The following YY1AP1 variants were observed in gnomAD, a reference collection of about 807,000 sequenced individuals.
The protein encoded by YY1AP1 is YY1 associated protein 1.
In YY1AP1, 43 loss-of-function variants were observed where a neutral mutation model predicts 39.9. That is an observed-to-expected ratio of 1.08 (90% CI 0.84 to 1.39). The LOEUF (loss-of-function observed/expected upper bound fraction) is 1.39, where lower values mean the gene tolerates loss of function less well. Ranked by LOEUF, YY1AP1 falls within the 40% of genes most tolerant of loss-of-function variation. The pLI is 0.00. For synonymous variants in YY1AP1, 292 were observed against 331.3 expected (o/e 0.88, Z 1.29); for missense variants, 813 against 900.7 (o/e 0.90, Z 1.25).
At position 155,676,634 on chromosome 1, in the gene YY1AP1, T is replaced by A; in HGVS notation, c.238A>T (p.Lys80Ter). ...ACTTCCTTACACTGGGGTTTAACCT[T>A]CTCTACCTCCTTCTGCTGTTTGGCT... The part of the protein sequence containing the change: ...PSAKQQKEVE[K>*]VKPQCKEVHQ... Residue 80 changes from lysine to a stop codon, truncating the protein, a stop_gained, in exon 5 of 11, where the codon AAG becomes TAG. Coordinates refer to ENST00000355499, the MANE Select transcript of YY1AP1 (RefSeq NM_139119.3). LOFTEE classifies it high-confidence loss of function. 1 of 1,614,188 alleles carries A rather than the reference T, an allele frequency of 6.2e-7. No homozygotes were observed. Among genetic ancestry groups the A allele is most frequent in the Non-Finnish European group, 8.5e-7 (1 of 1,180,034 alleles).
intron 2 of YY1AP1, among the ~76,000 whole-genome samples, chr1:155,685,420 A>G (rs1652076789): frequency 6.6e-6 from 1 of 152,174 alleles, no homozygotes; most frequent in African/African-American, 2.4e-5. Context: ...GTTTGTTATA[A>G]CTAAGTTAAA....
rs1651212331 is a variant in YY1AP1, at chr1:155,679,430, A to C, written c.104T>G (p.Phe35Cys). 2 of 1,614,136 alleles carry C rather than the reference A, an allele frequency of 1.2e-6. No homozygotes were observed. Among genetic ancestry groups the C allele is most frequent in the East Asian group, 4.5e-5 (2 of 44,892 alleles). ...CTACCGTAGAGCTTGAGGGGTGTTAAAGTTAGCTTGAGGCTCAGCCACACG... is the reference window on the plus strand; with the variant it reads ...CTACCGTAGAGCTTGAGGGGTGTTACAGTTAGCTTGAGGCTCAGCCACACG... Reference protein sequence around the residue: ...EERVAEPQANFNTPQALRFEE... With the variant: ...EERVAEPQANCNTPQALRFEE... The change falls in exon 4 of 11, where the codon TTT becomes TGT. Residue 35 changes from phenylalanine to cysteine, a missense_variant. By Grantham distance (205) the Phe-to-Cys change is radical (BLOSUM62 -2). This residue lies in a region of YY1AP1 where 196 missense variants were observed against 189.7 expected (regional missense o/e 1.03). Coordinates refer to ENST00000355499, the MANE Select transcript of YY1AP1 (RefSeq NM_139119.3).
chr1:155,672,665 T>G lies in YY1AP1; in HGVS notation c.478A>C (p.Thr160Pro). ...LHHQYNPKFQ[T>P]LFQPCNLMGA... is the part of the protein sequence containing the mutation. ...ATCAAGTTACAGGGTTGGAACAGGG[T>G]CTGAAACTTGGGGTTGTACTGATGG... The change falls in exon 7 of 11, where the codon ACC (threonine) becomes CCC (proline). Residue 160 changes from threonine to proline, a missense_variant. Physicochemically the swap from Thr to Pro is conservative, Grantham distance 38 (BLOSUM62 -1). Coordinates refer to ENST00000355499, the MANE Select transcript of YY1AP1 (RefSeq NM_139119.3). The G allele has an allele frequency of 6.2e-7, 1 of 1,614,026 alleles. No individual in the cohort carries two copies. The highest frequency in any genetic ancestry group is 1.3e-5 in the African/African-American group (1 of 74,962).
At chr1:155,688,450 C>A (rs1439870608) in intron 1 of YY1AP1, 1 of 1,548,998 alleles carries the variant, frequency 6.5e-7, no homozygotes, top group South Asian at 1.2e-5. Flanking sequence ...CCCCGCTTCG[C>A]CCGACTCCGG....
intron 2 of YY1AP1, among the ~76,000 whole-genome samples, chr1:155,684,165 T>A (rs1651892745): frequency 6.6e-6 from 1 of 152,106 alleles, no homozygotes; most frequent in African/African-American, 2.4e-5. Flanking sequence ...AGAGAATCAC[T>A]TGAACCTGGG....
chr1:155,667,512 A>AG (rs1491495134), intron 9 of YY1AP1, among the ~76,000 whole-genome samples: 4 of 151,878 alleles, frequency 2.6e-5, no homozygotes, highest in Non-Finnish European at 5.9e-5. Context: ...AAAAAAAAAA[A>AG]ACATAAATAA....
chr1:155,675,205 G>T (rs1650464885), intron 5 of YY1AP1, 109 bp from the exon 6 acceptor site: 2 of 979,718 alleles, frequency 2.0e-6, no homozygotes, highest in Non-Finnish European at 1.6e-6. Context: ...CTGTCACACA[G>T]CTTGGAGTGC....
intron 6 of YY1AP1, among the ~76,000 whole-genome samples, chr1:155,674,160 CAAAAAAAAAAAAA>C (rs59337809): frequency 5.3e-4 from 39 of 73,620 alleles, no homozygotes; most frequent in Admixed American, 1.3e-3. Context: ...GACTCCGTCT[CAAAAAAAAAAAAA>C]AAAAAAAAAA....
At position 155,660,582 on chromosome 1, in the gene YY1AP1, G is replaced by A. The variant is rs370230805; in HGVS notation, c.1328C>T (p.Pro443Leu). The A allele has an allele frequency of 7.4e-6, 12 of 1,614,192 alleles. No homozygotes were observed. Among genetic ancestry groups the A allele is most frequent in the South Asian group, 2.2e-5 (2 of 91,084 alleles). Residue 443 changes from proline (P) to leucine (L), a missense_variant, in exon 11 of 11, where the codon CCG (proline) becomes CTG (leucine). Pro to Leu is a moderately conservative substitution (Grantham distance 98). Coordinates refer to ENST00000355499, the MANE Select transcript of YY1AP1 (RefSeq NM_139119.3). ...AGGAATCCGGAGCACCATTTTGCTC[G>A]GAGGGGCTTCTGAATGAGTTGATTG... is the stretch of plus-strand genomic sequence containing the variant. ...PAQSTHSEAP[P>L]SKMVLRIPHP...
Position 155,659,907 on chromosome 1 carries a change from G to A in YY1AP1, c.2003C>T (p.Ser668Phe), listed in dbSNP as rs2149017093. The A allele has an allele frequency of 6.2e-7, 1 of 1,614,254 alleles. No homozygotes were observed. Among genetic ancestry groups the A allele is most frequent in the South Asian group, 1.1e-5 (1 of 91,080 alleles). Reference sequence around the variant, plus strand: ...TTCCACTTTGGGGAAAACAGTAGCAGAGAGAGGAGATAGTTCCTGGGGCTC... The same window carrying A: ...TTCCACTTTGGGGAAAACAGTAGCAAAGAGAGGAGATAGTTCCTGGGGCTC... ...KLEPQELSPL[S>F]ATVFPKVEHS... Residue 668 changes from serine to phenylalanine, a missense_variant, in exon 11 of 11, where the codon TCT (serine) becomes TTT (phenylalanine). Physicochemically the swap from Ser to Phe is radical, Grantham distance 155. Coordinates refer to ENST00000355499, the MANE Select transcript of YY1AP1 (RefSeq NM_139119.3).
chr1:155,667,953 AACAC>A (rs575258946), intron 9 of YY1AP1, among the ~76,000 whole-genome samples: 98 of 144,912 alleles, frequency 6.8e-4, no homozygotes, highest in Middle Eastern at 3.6e-3. Context: ...GACACACACA[AACAC>A]ACACACACAC....
chr1:155,661,111 T>G, intron 10 of YY1AP1, 196 bp downstream of exon 10: 1 of 1,502,782 alleles, frequency 6.7e-7, no homozygotes, highest in Non-Finnish European at 8.9e-7. Context: ...AATTACCATT[T>G]TACCCATTAT....
At chr1:155,685,705 C>A (rs1483568967) in intron 2 of YY1AP1, among the ~76,000 whole-genome samples, 1 of 152,198 alleles carries the variant, frequency 6.6e-6, no homozygotes, top group Non-Finnish European at 1.5e-5. Context: ...AACATCCACA[C>A]ACCCGAACAA....
At chr1:155,686,832 A>G (rs1260039356) in intron 2 of YY1AP1, among the ~76,000 whole-genome samples, 1 of 152,120 alleles carries the variant, frequency 6.6e-6, no homozygotes, top group Non-Finnish European at 1.5e-5. Flanking sequence ...CATATCTGAC[A>G]CAATCGGTCT....
At chr1:155,679,732 C>A in intron 3 of YY1AP1, 1 of 985,056 alleles carries the variant, frequency 1.0e-6, no homozygotes, top group Middle Eastern at 5.2e-4. Flanking sequence ...CAACTTGTAT[C>A]AGTAAGCACA....
At chr1:155,675,337 T>C (rs1650488930) in intron 5 of YY1AP1, among the ~76,000 whole-genome samples, 1 of 151,522 alleles carries the variant, frequency 6.6e-6, no homozygotes, top group African/African-American at 2.4e-5. Flanking sequence ...TTATTATTAT[T>C]ATTATTTTTA....
chr1:155,661,497 G>C, intron 9 of YY1AP1, 74 bp from the exon 10 acceptor site: 1 of 1,598,984 alleles, frequency 6.3e-7, no homozygotes, highest in South Asian at 1.1e-5. Flanking sequence ...GGTGAATGGG[G>C]TGGTGGTGGA....
chr1:155,667,511 A>T (rs945081427), intron 9 of YY1AP1, among the ~76,000 whole-genome samples: 4 of 151,964 alleles, frequency 2.6e-5, no homozygotes, highest in Non-Finnish European at 5.9e-5. Flanking sequence ...AAAAAAAAAA[A>T]AACATAAATA....
upstream of YY1AP1, chr1:155,688,893 T>C (rs1326705153): frequency 1.2e-6 from 2 of 1,612,328 alleles, no homozygotes; most frequent in African/African-American, 1.3e-5. Context: ...TTGACTGGAA[T>C]TGCCAGGGTG....
Sources: gnomAD v4.1 joint callset for allele counts (sites outside exome capture counted in the v4.1 genomes callset) on GRCh38, gnomAD v4.1.1 for gene constraint, gnomAD v4.1.1 regional missense constraint, MANE v1.5 for transcripts, NCBI Gene and HGNC (gene_info 2026-07-23, HGNC 2026-07-21) for gene names.